Variants in NUDT17 observed in about 807,000 individuals in gnomAD.
The protein encoded by NUDT17 is m7GpppN-mRNA hydrolase NUDT17.
In NUDT17, 38 loss-of-function variants were observed where a neutral mutation model predicts 38.6. The ratio of observed to expected loss-of-function variants is 0.98; its 90% confidence interval spans 0.76 to 1.29. NUDT17 has a LOEUF of 1.29. Among genes scored for constraint, NUDT17 ranks in the 50% most tolerant of loss-of-function variants. The probability of loss-of-function intolerance (pLI) is 0.00; values close to 1 mark genes in which losing one functional copy is unlikely to be tolerated. For synonymous variants in NUDT17, 192 were observed against 167.8 expected (o/e 1.14, Z -1.11); for missense variants, 462 against 415.2 (o/e 1.11, Z -0.98).
chr1:145,846,401 C>T, intron 2 of NUDT17, 32 bp from the exon 3 acceptor site: 3 of 1,613,958 alleles, frequency 1.9e-6, no homozygotes, highest in Non-Finnish European at 2.5e-6. Context: ...AAGACCACCA[C>T]CATTCACCTA....
At chr1:145,847,203 A>G (rs1553732741) in intron 4 of NUDT17, 47 bp from the exon 5 acceptor site, 1 of 1,212,122 alleles carries the variant, frequency 8.2e-7, no homozygotes, top group Non-Finnish European at 1.2e-6. Flanking sequence ...TTAAAAAAAA[A>G]AAAAAAGTGA....
intron 4 of NUDT17, among the ~76,000 whole-genome samples, chr1:145,846,946 C>T (rs1174167165): frequency 6.6e-6 from 1 of 152,326 alleles, no homozygotes; most frequent in African/African-American, 2.4e-5. Flanking sequence ...AATCCCAACA[C>T]TTTGGGAGGC....
Position 145,846,586 on chromosome 1 carries a change from TCTGA to T in NUDT17, c.403-9_403-6del. 6.2e-7 allele frequency: 1 copy of T among 1,613,598 alleles called. No individual in the cohort carries two copies. Among genetic ancestry groups the T allele is most frequent in the Non-Finnish European group, 8.5e-7 (1 of 1,179,492 alleles). ...GCACTGGCCCCTCTGATGTGTCTTC[TCTGA>T]CTCCCAGCTGCTGGACGGAGGGCTT... On this transcript the variant is annotated splice_polypyrimidine_tract_variant and splice_region_variant and intron_variant, in intron 3 of 7. Transcript: ENST00000334513.
chr1:145,846,252 G>C (rs1221060265), intron 2 of NUDT17, 56 bp downstream of exon 2: 5 of 1,525,754 alleles, frequency 3.3e-6, no homozygotes, highest in Admixed American at 3.9e-5. Context: ...CCCTTTCCCC[G>C]CAACAATGTT....
In NUDT17 at chr1:145,845,687, C is replaced by T. The variant is rs1652609072; in HGVS notation, c.47C>T (p.Ser16Leu). 3 of 1,540,532 alleles carry T rather than the reference C, an allele frequency of 1.9e-6. No homozygotes were observed. Among genetic ancestry groups the T allele is most frequent in the African/African-American group, 1.4e-5 (1 of 72,936 alleles). ...CTGCTCCTGTCCCGGCGTCCGGAGTCGGTGAGCTTCGCACGGAGTGTGTGT... is the reference window on the plus strand; with the variant it reads ...CTGCTCCTGTCCCGGCGTCCGGAGTTGGTGAGCTTCGCACGGAGTGTGTGT... ...VQLLLSRRPESVSFARSVCGL... is the reference protein window; with the variant it reads ...VQLLLSRRPELVSFARSVCGL... The change falls in exon 1 of 8, where the codon TCG becomes TTG. Residue 16 changes from serine to leucine, a missense_variant. Ser to Leu is a moderately radical substitution (Grantham distance 145, BLOSUM62 -2). Transcript: ENST00000334513.
At position 145,847,633 on chromosome 1, in the gene NUDT17, AC is replaced by A. The variant is rs781841999; in HGVS notation, c.647del (p.Pro216GlnfsTer3). ...NEVSALMWLT[P>X]DVAAAVAAAE... is the part of the protein sequence containing the mutation. The stretch of plus-strand genomic sequence containing the variant: ...AGGTGAGCGCCCTTATGTGGCTGAC[AC>A]CAGATGTAGCTGCTGCAGTGGCTGC... On this transcript the variant is annotated frameshift_variant, in exon 6 of 8. Coordinates refer to ENST00000334513, the MANE Select transcript of NUDT17 (RefSeq NM_001012758.3). LOFTEE classifies it high-confidence loss of function. 1 of 1,613,996 alleles carries A rather than the reference AC, an allele frequency of 6.2e-7. No individual in the cohort carries two copies. The highest frequency in any genetic ancestry group is 1.7e-5 in the Admixed American group (1 of 60,016).
chr1:145,848,641 C>T lies in NUDT17; in HGVS notation c.*162C>T, dbSNP rs183663029. 8 of 611,290 alleles carry T rather than the reference C, an allele frequency of 1.3e-5. No homozygotes were observed. Among genetic ancestry groups the T allele is most frequent in the African/African-American group, 5.5e-5 (3 of 54,304 alleles). 37.9% of individuals were successfully genotyped at this position (611,290 alleles called of 1,614,324 possible). On this transcript the variant is annotated 3_prime_UTR_variant, in exon 8 of 8. Transcript: ENST00000334513. ...TGAAAAAGAAGATTGGGAAGGAGGG[C>T]ACAGGGTCCTTCCACCTCCCTGGAA...
chr1:145,848,478 G>A lies in NUDT17; in HGVS notation c.986G>A (p.Ter329=). The A allele has an allele frequency of 3.1e-6, 5 of 1,609,562 alleles. No homozygotes were observed. In the South Asian group the frequency reaches 4.4e-5, roughly 14 times the overall value. ...PLPPNQGSGK[*] ...CCCCCAAACCAGGGGTCTGGAAAGT[G>A]AAGTGTAAAATCCCCTCCCTAGCCC... The change falls in exon 8 of 8, where the codon TGA becomes TAA. Residue 329 remains the stop codon, a stop_retained_variant. Coordinates refer to ENST00000334513, the MANE Select transcript of NUDT17 (RefSeq NM_001012758.3).
At chr1:145,847,447 C>T in intron 5 of NUDT17, 99 bp downstream of exon 5, 1 of 1,403,006 alleles carries the variant, frequency 7.1e-7, no homozygotes, top group East Asian at 2.3e-5. Context: ...CGGGGGTAGT[C>T]AGAGATAACG....
intron 4 of NUDT17, 99 bp downstream of exon 4, chr1:145,846,789 A>T (rs1652713267): frequency 2.4e-6 from 2 of 834,430 alleles, no homozygotes; most frequent in Admixed American, 3.5e-5. Flanking sequence ...GAATCCCCAA[A>T]TCCATAACCC....
At position 145,848,264 on chromosome 1, in the gene NUDT17, G is replaced by C. The variant is rs142625946; in HGVS notation, c.884G>C (p.Arg295Thr). ...ALKLWLQHLG[R>T]TPPPCKSAAY... ...AAGCTCTGGCTGCAACATCTGGGCA[G>C]GTAAAAGTGAAAAAGGACTGGAGAG... The change falls in exon 7 of 8, where the codon AGA becomes ACA. Residue 295 changes from arginine (R) to threonine (T), a missense_variant and splice_region_variant. Coordinates refer to ENST00000334513, the MANE Select transcript of NUDT17 (RefSeq NM_001012758.3). 1.9e-6 allele frequency: 3 copies of C among 1,614,034 alleles called. No homozygotes were observed. The highest frequency in any genetic ancestry group is 2.7e-5 in the African/African-American group (2 of 74,914).
chr1:145,846,544 G>A, intron 3 of NUDT17, 54 bp from the exon 4 acceptor site: 1 of 1,603,500 alleles, frequency 6.2e-7, no homozygotes, highest in Non-Finnish European at 8.5e-7. Context: ...GCAAGCAAAA[G>A]GACTTGGAAG....
At chr1:145,847,176 A>C (rs1287979532) in intron 4 of NUDT17, 74 bp from the exon 5 acceptor site, 2 of 859,958 alleles carry the variant, frequency 2.3e-6, no homozygotes, top group Non-Finnish European at 3.7e-6. Context: ...CCTGGGCGAC[A>C]AGAGCGAAAC....
Position 145,847,473 on chromosome 1 carries a change from C to A in NUDT17, c.595-110C>A, listed in dbSNP as rs587677183. On this transcript the variant is annotated intron_variant, in intron 5 of 7. Transcript: ENST00000334513. ...AGAGATAACGAAGAATATGCAATGC[C>A]CTTTCCCCTTGCTCCTGCCTTTCTC... The A allele has an allele frequency of 9.5e-6, 14 of 1,478,658 alleles. No homozygotes were observed. The East Asian group carries it at 3.0e-4, about 31-fold the overall frequency. 91.6% of individuals were successfully genotyped at this position (1,478,658 alleles called of 1,614,324 possible).
At position 145,845,780 on chromosome 1, in the gene NUDT17, T is replaced by C; in HGVS notation, c.140T>C (p.Leu47Pro). 4 of 1,592,512 alleles carry C rather than the reference T, an allele frequency of 2.5e-6. No individual in the cohort carries two copies. Among genetic ancestry groups the C allele is most frequent in the Non-Finnish European group, 2.6e-6 (3 of 1,170,476 alleles). ...PIHCSLKRGRLVLSSRPFPGA... is the reference protein window; with the variant it reads ...PIHCSLKRGRPVLSSRPFPGA... Reference sequence around the variant, plus strand: ...CACTGCAGCTTGAAGCGAGGACGGCTTGTCCTCTCGAGCAGGCCCTTCCCA... The same window carrying C: ...CACTGCAGCTTGAAGCGAGGACGGCCTGTCCTCTCGAGCAGGCCCTTCCCA... Residue 47 changes from leucine (L) to proline (P), a missense_variant, in exon 1 of 8, where the codon CTT becomes CCT. Transcript: ENST00000334513.
chr1:145,847,437 C>A, intron 5 of NUDT17, 89 bp downstream of exon 5: 1 of 580,014 alleles, frequency 1.7e-6, no homozygotes, highest in Non-Finnish European at 3.2e-6. Context: ...GCGGGGGTGG[C>A]GGGGGTAGTC....
intron 5 of NUDT17, 66 bp from the exon 6 acceptor site, chr1:145,847,517 G>A (rs782109380): frequency 4.1e-5 from 65 of 1,596,972 alleles, no homozygotes; most frequent in Admixed American, 5.0e-5. Flanking sequence ...CTGCGGGTAG[G>A]TTTTGATCAC....
At chr1:145,846,891 C>T (rs1652719641) in intron 4 of NUDT17, among the ~76,000 whole-genome samples, 1 of 152,202 alleles carries the variant, frequency 6.6e-6, no homozygotes, top group Non-Finnish European at 1.5e-5. Context: ...TTAACAAAGT[C>T]TCAAAAAGTG....
In NUDT17 at chr1:145,847,712, T is replaced by G. The variant is rs587629676; in HGVS notation, c.724T>G (p.Ser242Ala). 1.9e-6 allele frequency: 3 copies of G among 1,614,114 alleles called. No homozygotes were observed. The Admixed American group carries it at 5.0e-5, about 27-fold the overall frequency. ...ACTTCTCCCCCAGGACCTACCACCC[T>G]CTGTCCTGTAAGTAAGAGCTTCTCC... ...PGLLPQDLPP[S>A]VLAVELEEDG... The change falls in exon 6 of 8, where the codon TCT becomes GCT. Residue 242 changes from serine (S) to alanine (A), a missense_variant. Ser to Ala is a moderately conservative substitution (Grantham distance 99). Transcript: ENST00000334513.
Sources: allele counts gnomAD v4.1 joint callset (sites outside exome capture counted in the v4.1 genomes callset), GRCh38; gene constraint gnomAD v4.1.1; transcripts MANE v1.5; gene names NCBI Gene and HGNC (gene_info 2026-07-23, HGNC 2026-07-21).